The following NKD1 variants were observed in gnomAD, a reference collection of about 807,000 sequenced individuals.
NKD1 encodes protein naked cuticle homolog 1.
In NKD1, 21 loss-of-function variants were observed where a neutral mutation model predicts 56.0. The ratio of observed to expected loss-of-function variants is 0.38; its 90% CI spans 0.27 to 0.54. The LOEUF (loss-of-function observed/expected upper bound fraction) is 0.54, where lower values mean the gene tolerates loss of function less well. NKD1 is among the 20% of genes least tolerant of loss of function. NKD1 has a pLI of 0.82. For missense variants in NKD1, 578 were observed against 642.7 expected, an observed-to-expected ratio of 0.90 and a Z score of 1.09; for synonymous variants, 263 against 265.7, an observed-to-expected ratio of 0.99 and a Z score of 0.10.
chr16:50,613,104 A>T (rs1199189086), intron 4 of NKD1, among the ~76,000 whole-genome samples: 1 of 152,010 alleles, frequency 6.6e-6, no homozygotes, highest in Non-Finnish European at 1.5e-5. Flanking sequence ...GGTTTCAGGA[A>T]CTAAGGATTT....
chr16:50,630,768 G>C, intron 7 of NKD1, 58 bp from the exon 8 acceptor site: 2 of 1,458,698 alleles, frequency 1.4e-6, no homozygotes, highest in South Asian at 2.5e-5. Flanking sequence ...GCAGCCCTGG[G>C]GAGGGTGGGA....
intron 1 of NKD1, 50 bp from the exon 2 acceptor site, chr16:50,548,667 C>T (rs1263587097): frequency 6.8e-7 from 1 of 1,465,904 alleles, no homozygotes; most frequent in South Asian, 1.3e-5. Flanking sequence ...CTTTCCTTCT[C>T]CCGCCGCCGC....
chr16:50,550,590 T>A (rs1172636472), intron 3 of NKD1, among the ~76,000 whole-genome samples: 1 of 152,004 alleles, frequency 6.6e-6, no homozygotes, highest in South Asian at 2.1e-4. Context: ...AGCTCCCCTG[T>A]CCTCCTCCAC....
intron 3 of NKD1, chr16:50,574,687 T>A: frequency 1.0e-6 from 1 of 985,456 alleles, no homozygotes; most frequent in Non-Finnish European, 1.2e-6. Flanking sequence ...TGCCTCGTTG[T>A]CGTCCCAGGC....
In NKD1 at chr16:50,548,740, A is replaced by G; in HGVS notation, c.49A>G (p.Ser17Gly). ...KPAAVCKRRE[S>G]PEGDSFAVSA... ...AGCCGCCGTGTGCAAGCGCAGGGAG[A>G]GCCCGGAAGGTAGGGGCGCGCGGGG... is the stretch of plus-strand genomic sequence containing the variant. Residue 17 changes from serine to glycine, a missense_variant, in exon 2 of 10, where the codon AGC becomes GGC. By Grantham distance (56) the Ser-to-Gly change is moderately conservative. Transcript: ENST00000268459. The G allele has an allele frequency of 7.0e-7, 1 of 1,437,286 alleles. No homozygotes were observed. The highest frequency in any genetic ancestry group is 9.0e-7 in the Non-Finnish European group (1 of 1,106,176). The allele number at this position is 1,437,286 out of a possible 1,614,324, so 89.0% of individuals were successfully genotyped here. A position where few individuals can be genotyped will look rare whatever the true frequency, so the allele number is the denominator to read the frequency against.
In NKD1 at chr16:50,626,153, G is replaced by A. The variant is rs576198788; in HGVS notation, c.462+573G>A. The stretch of plus-strand genomic sequence containing the variant: ...ACCTCTTCTTCCTTATCCCTCTGCA[G>A]GCCGGTCTCTCTCGCTCAGGGCCCT... On this transcript the variant is annotated intron_variant, in intron 6 of 9. Transcript: ENST00000268459. Among the ~76,000 whole-genome samples the A allele has an allele frequency of 3.9e-5, 6 of 152,300 alleles. No homozygotes were observed. In the South Asian group the frequency reaches 1.0e-3, roughly 26 times the overall value.
chr16:50,574,160 G>A, intron 3 of NKD1: 1 of 953,496 alleles, frequency 1.0e-6, no homozygotes, highest in Non-Finnish European at 1.2e-6. Flanking sequence ...GGATCCAAAT[G>A]CAGGACTGCC....
At chr16:50,596,975 G>T (rs1182783375) in intron 3 of NKD1, among the ~76,000 whole-genome samples, 1 of 152,182 alleles carries the variant, frequency 6.6e-6, no homozygotes. Context: ...GTGGCTGTGG[G>T]CGAGCGGGTG....
intron 3 of NKD1, among the ~76,000 whole-genome samples, chr16:50,561,161 A>T (rs1293006361): frequency 1.3e-5 from 2 of 152,010 alleles, no homozygotes; most frequent in South Asian, 2.1e-4. Context: ...AGTCCCATGG[A>T]GGGGGGGCCC....
intron 3 of NKD1, chr16:50,553,418 G>A (rs1238651045): frequency 1.3e-5 from 2 of 152,358 alleles, no homozygotes; most frequent in East Asian, 1.9e-4. Flanking sequence ...GATCAAAGGC[G>A]GCTGCCAGGC....
chr16:50,561,231 G>A (rs548188308), intron 3 of NKD1, among the ~76,000 whole-genome samples: 1 of 152,224 alleles, frequency 6.6e-6, no homozygotes, highest in South Asian at 2.1e-4. Context: ...ACACAGACAT[G>A]GCTCAGTCAT....
At chr16:50,597,154 G>A (rs553019031) in intron 3 of NKD1, among the ~76,000 whole-genome samples, 7 of 152,300 alleles carry the variant, frequency 4.6e-5, no homozygotes, top group South Asian at 2.1e-4. Flanking sequence ...CCTGGAATGC[G>A]TGGCAGAAGT....
chr16:50,579,962 C>A (rs1214209508), intron 3 of NKD1, among the ~76,000 whole-genome samples: 1 of 152,184 alleles, frequency 6.6e-6, no homozygotes, highest in African/African-American at 2.4e-5. Context: ...CTCTCTTGGT[C>A]CCATGGGTAC....
chr16:50,619,118 T>G (rs1413542598), intron 4 of NKD1, among the ~76,000 whole-genome samples: 1 of 152,228 alleles, frequency 6.6e-6, no homozygotes, highest in African/African-American at 2.4e-5. Context: ...CCAGCTTGCA[T>G]CTCCAGCCAG....
intron 3 of NKD1, among the ~76,000 whole-genome samples, chr16:50,575,838 A>G (rs1960982576): frequency 6.6e-6 from 1 of 152,206 alleles, no homozygotes; most frequent in African/African-American, 2.4e-5. Context: ...CCATGGTAGC[A>G]CAGGACATTT....
rs542400418 is a variant in NKD1 at position 50,645,548 on chromosome 16, C to T, written c.*11767C>T. ...TGAATGGTGGAGAGTCTGCTTGTCA[C>T]CCCAAGAGACACATCAGGAAGCTAG... On this transcript the variant is annotated 3_prime_UTR_variant, in exon 10 of 10. Transcript: ENST00000268459. The T allele has an allele frequency of 6.6e-6, 1 of 152,330 alleles. No homozygotes were observed. Among genetic ancestry groups the T allele is most frequent in the Non-Finnish European group, 1.5e-5 (1 of 68,106 alleles). 9.4% of individuals were successfully genotyped at this position (152,330 alleles called of 1,614,324 possible). A position where few individuals can be genotyped will look rare whatever the true frequency, so the allele number is the denominator to read the frequency against.
intron 3 of NKD1, among the ~76,000 whole-genome samples, chr16:50,549,970 G>T (rs1039138536): frequency 3.3e-5 from 5 of 152,168 alleles, no homozygotes; most frequent in Non-Finnish European, 7.3e-5. Context: ...CCCAGGATCT[G>T]AATATGTTCT....
chr16:50,608,236 G>A (rs374318764), intron 3 of NKD1, 58 bp from the exon 4 acceptor site: 98 of 1,209,690 alleles, frequency 8.1e-5, no homozygotes, highest in South Asian at 6.5e-4. Flanking sequence ...TGCTTTTAAC[G>A]TCCCAGCACT....
intron 3 of NKD1, among the ~76,000 whole-genome samples, chr16:50,597,393 C>T (rs1961495924): frequency 6.6e-6 from 1 of 152,106 alleles, no homozygotes; most frequent in East Asian, 1.9e-4. Flanking sequence ...GGAGGGAGAG[C>T]CACATCATTT....
Sources: gnomAD v4.1 joint callset for allele counts (sites outside exome capture counted in the v4.1 genomes callset) on GRCh38, gnomAD v4.1.1 for gene constraint, MANE v1.5 for transcripts, NCBI Gene and HGNC (gene_info 2026-07-23, HGNC 2026-07-21) for gene names.